Variants in LHPP observed in about 807,000 individuals in gnomAD.
LHPP encodes phospholysine phosphohistidine inorganic pyrophosphate phosphatase.
LHPP carries 24 observed loss-of-function variants against 30.3 expected under a neutral mutation model. That is an observed-to-expected ratio of 0.79 (90% CI 0.57 to 1.11). The LOEUF is 1.11. Ranked by LOEUF, LHPP falls within the 50% of genes most tolerant of loss-of-function variation. The pLI is 0.00. For missense variants in LHPP, 356 were observed against 367.2 expected (o/e 0.97, Z 0.25); for synonymous variants, 150 against 157.1 (o/e 0.95, Z 0.34).
chr10:124,488,582 T>C lies in LHPP; in HGVS notation c.467+7T>C. On this transcript the variant is annotated splice_region_variant and intron_variant, in intron 3 of 6. Coordinates refer to ENST00000368842, the MANE Select transcript of LHPP (RefSeq NM_022126.4). ...TCATATCACTGGGAAAAGGGTAAGT[T>C]GGCTCCAGGGAGAGTCATTTCTCGG... 6.2e-7 allele frequency: 1 copy of C among 1,606,090 alleles called. No individual in the cohort carries two copies. The highest frequency in any genetic ancestry group is 8.5e-7 in the Non-Finnish European group (1 of 1,177,520).
At chr10:124,514,715 G>A (rs942576166) in intron 5 of LHPP, among the ~76,000 whole-genome samples, 10 of 151,256 alleles carry the variant, frequency 6.6e-5, no homozygotes, top group African/African-American at 2.2e-4. Flanking sequence ...TCTTGGATCT[G>A]TGGATTTATT....
rs566800979 is a variant in LHPP, at chr10:124,548,772, C to T, written c.716+31501C>T. Among the ~76,000 whole-genome samples, 26 of 152,338 alleles carry T rather than the reference C, an allele frequency of 1.7e-4. No individual in the cohort carries two copies. The South Asian group carries it at 5.2e-3, about 30-fold the overall frequency. On this transcript the variant is annotated intron_variant, in intron 6 of 6. Coordinates refer to ENST00000368842, the MANE Select transcript of LHPP (RefSeq NM_022126.4). ...CTCCGAGGGACAGGTTGGCTGATCT[C>T]AGTGAACCCTGAGGCTTCCCCAAGG...
intron 6 of LHPP, among the ~76,000 whole-genome samples, chr10:124,608,317 G>A (rs1011664691): frequency 4.0e-5 from 6 of 151,472 alleles, no homozygotes; most frequent in Middle Eastern, 3.2e-3. Flanking sequence ...GCTCAAGGCC[G>A]GTCATGCTCT....
In LHPP at chr10:124,602,659, G is replaced by A. The variant is rs116338058; in HGVS notation, c.717-10605G>A. ...TTACTAGCCAGAGGACAGGTCAGCC[G>A]GGGCAGGCTCTGGGCCCTGGGCACC... is the stretch of plus-strand genomic sequence containing the variant. On this transcript the variant is annotated intron_variant, in intron 6 of 6. Transcript: ENST00000368842. 9.7e-3 allele frequency among the ~76,000 whole-genome samples: 1,477 copies of A among 152,274 alleles called. 16 individuals are homozygous for A. The highest frequency in any genetic ancestry group is 0.032 in the African/African-American group (1,311 of 41,542).
intron 6 of LHPP, among the ~76,000 whole-genome samples, chr10:124,532,572 T>C (rs187004560): frequency 4.7e-4 from 71 of 152,366 alleles, no homozygotes; most frequent in African/African-American, 1.6e-3. Flanking sequence ...CTCTATCCCA[T>C]GTAGAGCCAA....
intron 5 of LHPP, among the ~76,000 whole-genome samples, chr10:124,516,769 C>A (rs1954465020): frequency 6.6e-6 from 1 of 152,112 alleles, no homozygotes; most frequent in Non-Finnish European, 1.5e-5. Flanking sequence ...TAAAGCAAAA[C>A]TTACAAAGAT....
chr10:124,528,826 C>T (rs1347460969), intron 6 of LHPP, among the ~76,000 whole-genome samples: 5 of 152,156 alleles, frequency 3.3e-5, no homozygotes, highest in African/African-American at 1.2e-4. Flanking sequence ...TGTCCCCTGC[C>T]CTCTAGGGCT....
chr10:124,492,611 T>C (rs1220299117), intron 3 of LHPP, among the ~76,000 whole-genome samples: 1 of 152,198 alleles, frequency 6.6e-6, no homozygotes, highest in Admixed American at 6.5e-5. Flanking sequence ...GTTAATCTCA[T>C]CCAAAAACAC....
chr10:124,515,004 G>T (rs1396089203), intron 5 of LHPP, among the ~76,000 whole-genome samples: 1 of 151,886 alleles, frequency 6.6e-6, no homozygotes, highest in African/African-American at 2.4e-5. Context: ...GTCTTGCGGT[G>T]TTGCCTAGGC....
chr10:124,526,370 A>T (rs1236807532), intron 6 of LHPP: 1 of 310,718 alleles, frequency 3.2e-6, no homozygotes, highest in African/African-American at 2.3e-5. Context: ...TACCCCTACC[A>T]TTTAGATTTG....
intron 5 of LHPP, among the ~76,000 whole-genome samples, chr10:124,503,381 T>A (rs1953969470): frequency 6.6e-6 from 1 of 151,984 alleles, no homozygotes; most frequent in Admixed American, 6.5e-5. Context: ...TGGTGTATTT[T>A]ATGTGTGGCC....
chr10:124,573,902 G>T lies in LHPP; in HGVS notation c.717-39362G>T, dbSNP rs144984839. The stretch of plus-strand genomic sequence containing the variant: ...CACTTGACACCCAAACGCTGATTTT[G>T]TTTACATGAGACTCAGGTCCGAGTT... On this transcript the variant is annotated intron_variant, in intron 6 of 6. Transcript: ENST00000368842. Among the ~76,000 whole-genome samples, 192 of 152,222 alleles carry T rather than the reference G, an allele frequency of 1.3e-3. 2 individuals are homozygous for T. The highest frequency in any genetic ancestry group is 4.2e-3 in the African/African-American group (175 of 41,532).
intron 6 of LHPP, among the ~76,000 whole-genome samples, chr10:124,595,236 C>T (rs1285291026): frequency 1.3e-5 from 2 of 152,200 alleles, no homozygotes; most frequent in Non-Finnish European, 2.9e-5. Flanking sequence ...CAGCTCTGTT[C>T]TTCCCCACCC....
Position 124,495,026 on chromosome 10 carries a change from A to G in LHPP, c.468-1935A>G, listed in dbSNP as rs533053103. ...AACTCTGGACCCCACTAAGGAAACC[A>G]TCAGACCAAAGTAGCTGATTGTCCA... On this transcript the variant is annotated intron_variant, in intron 3 of 6. Transcript: ENST00000368842. Among the ~76,000 whole-genome samples, 13 of 152,356 alleles carry G rather than the reference A, an allele frequency of 8.5e-5. No homozygotes were observed. The East Asian group carries it at 9.6e-4, about 11-fold the overall frequency.
intron 6 of LHPP, among the ~76,000 whole-genome samples, chr10:124,546,699 C>A (rs573447980): frequency 2.0e-5 from 3 of 151,826 alleles, no homozygotes. Context: ...CGTGAGCCAC[C>A]GCGCCCGCCT....
At position 124,496,715 on chromosome 10, in the gene LHPP, T is replaced by C. The variant is rs1167470879; in HGVS notation, c.468-246T>C. ...AGTCTGACAGCAGGGTTGCGTTCTG[T>C]GCGACCTGTGGCATCCCTGGAGCTG... On this transcript the variant is annotated intron_variant, in intron 3 of 6. Transcript: ENST00000368842. The surrounding 1 kb of genome is among the most constrained non-coding windows in gnomAD (Gnocchi z 4.3). Among the ~76,000 whole-genome samples, 6 of 152,236 alleles carry C rather than the reference T, an allele frequency of 3.9e-5. No individual in the cohort carries two copies. The highest frequency in any genetic ancestry group is 1.2e-4 in the African/African-American group (5 of 41,462).
intron 6 of LHPP, among the ~76,000 whole-genome samples, chr10:124,572,147 T>C (rs61870232): frequency 0.23 from 34,767 of 152,078 alleles, 4,908 homozygotes; most frequent in East Asian, 0.3. Context: ...AGGCTGGCCA[T>C]CACGGGCCTT....
rs544492785 is a variant in LHPP at position 124,523,136 on chromosome 10, G to A, written c.716+5865G>A. ...TAAATAAAGCCGCGATGCGGAGCTC[G>A]CCTCTGGTCTTCTCTTATTGTTTAC... On this transcript the variant is annotated intron_variant, in intron 6 of 6. Coordinates refer to ENST00000368842, the MANE Select transcript of LHPP (RefSeq NM_022126.4). The surrounding 1 kb of genome is among the most constrained non-coding windows in gnomAD (Gnocchi z 4.2). Among the ~76,000 whole-genome samples the A allele has an allele frequency of 6.6e-5, 10 of 152,002 alleles. No individual in the cohort carries two copies. The highest frequency in any genetic ancestry group is 5.2e-4 in the Admixed American group (8 of 15,300).
rs1589764778 is a variant in LHPP, at chr10:124,476,983, G to A, written c.126-7156G>A. Among the ~76,000 whole-genome samples the A allele has an allele frequency of 3.9e-5, 6 of 152,120 alleles. No individual in the cohort carries two copies. In the South Asian group the frequency reaches 1.2e-3, roughly 32 times the overall value. ...AGCACTTTGGGAGGCTGAGACTGGC[G>A]GATCACGAGGTCAGGAGTTCAAGAC... On this transcript the variant is annotated intron_variant, in intron 1 of 6. Coordinates refer to ENST00000368842, the MANE Select transcript of LHPP (RefSeq NM_022126.4).
Sources: gnomAD v4.1 joint callset for allele counts (sites outside exome capture counted in the v4.1 genomes callset) on GRCh38, gnomAD v4.1.1 for gene constraint, Gnocchi (gnomAD v3.1) non-coding constraint, MANE v1.5 for transcripts, NCBI Gene and HGNC (gene_info 2026-07-23, HGNC 2026-07-21) for gene names.